The following BLTP3A variants were observed in gnomAD, a reference collection of about 807,000 sequenced individuals.
BLTP3A encodes the protein ICBP90 binding protein 1.
chr6:34,867,786 C>T, the BLTP3A span, among the ~76,000 whole-genome samples: 1 of 152,104 alleles, frequency 6.6e-6, no homozygotes, highest in Non-Finnish European at 1.5e-5. Flanking sequence ...TTGCAAAGAG[C>T]CTCTCAGAGC....
At chr6:34,871,521 T>C in the BLTP3A span, 3 of 1,491,402 alleles carry the variant, frequency 2.0e-6, no homozygotes, top group Non-Finnish European at 2.8e-6. Flanking sequence ...GATGGGAGCA[T>C]GGGTTGTGTT....
At chr6:34,839,202 A>G in the BLTP3A span, among the ~76,000 whole-genome samples, 9 of 152,228 alleles carry the variant, frequency 5.9e-5, no homozygotes, top group East Asian at 1.7e-3. Context: ...GTGAGCCGAG[A>G]TGGCGCCATT....
the BLTP3A span, chr6:34,834,573 T>C: frequency 3.7e-6 from 5 of 1,340,788 alleles, no homozygotes; most frequent in East Asian, 4.7e-5. Flanking sequence ...TCCTCAATTA[T>C]GGATCCCCAA....
chr6:34,800,751 CTGTT>C, the BLTP3A span, among the ~76,000 whole-genome samples: 5 of 152,254 alleles, frequency 3.3e-5, no homozygotes, highest in Non-Finnish European at 2.9e-5. Flanking sequence ...TAGTTGGTAT[CTGTT>C]TGTCACAAAA....
chr6:34,793,023 TAA>T, the BLTP3A span, among the ~76,000 whole-genome samples: 5 of 152,336 alleles, frequency 3.3e-5, no homozygotes, highest in South Asian at 4.1e-4. Flanking sequence ...GAGTTGGGGA[TAA>T]AGTTTCCGCA....
chr6:34,827,816 A>T, the BLTP3A span, among the ~76,000 whole-genome samples: 3 of 151,880 alleles, frequency 2.0e-5, no homozygotes, highest in African/African-American at 7.3e-5. Context: ...ATTTTTAGTA[A>T]GGACGGGGTT....
At chr6:34,832,658 C>T in the BLTP3A span, among the ~76,000 whole-genome samples, 13,893 of 151,400 alleles carry the variant, frequency 0.092, 835 homozygotes, top group Non-Finnish European at 0.12. Context: ...CCTTTGTTGC[C>T]CAGGCTGGTC....
chr6:34,821,704 G>C, the BLTP3A span: 2 of 1,614,152 alleles, frequency 1.2e-6, no homozygotes. Flanking sequence ...CCCTGAAAGG[G>C]GAGGGTCAGC....
chr6:34,854,921 T>G, the BLTP3A span, among the ~76,000 whole-genome samples: 1 of 152,260 alleles, frequency 6.6e-6, no homozygotes, highest in African/African-American at 2.4e-5. Context: ...GGAAATACTT[T>G]CTACTTTTAC....
chr6:34,856,216 C>A, the BLTP3A span: 1 of 1,603,102 alleles, frequency 6.2e-7, no homozygotes, highest in African/African-American at 1.3e-5. Context: ...GGGCTAAAAT[C>A]TTTTCACTTC....
chr6:34,794,012 T>C, the BLTP3A span, among the ~76,000 whole-genome samples: 13 of 151,988 alleles, frequency 8.6e-5, no homozygotes, highest in African/African-American at 2.9e-4. Flanking sequence ...ATACAGAAAT[T>C]AGCCTGGCAT....
the BLTP3A span, among the ~76,000 whole-genome samples, chr6:34,800,830 C>T: frequency 6.6e-6 from 1 of 151,768 alleles, no homozygotes; most frequent in Non-Finnish European, 1.5e-5. Flanking sequence ...CAGGTGCAAG[C>T]GATTTTCATG....
chr6:34,852,436 G>A, the BLTP3A span, among the ~76,000 whole-genome samples: 39 of 152,244 alleles, frequency 2.6e-4, no homozygotes, highest in East Asian at 7.0e-3. Flanking sequence ...GCGGGAGCTA[G>A]AGGCCTACAA....
the BLTP3A span, chr6:34,867,219 A>T: frequency 6.3e-7 from 1 of 1,599,636 alleles, no homozygotes; most frequent in Non-Finnish European, 8.5e-7. Context: ...CCTCTTTTTC[A>T]TGCAGAGTCT....
At chr6:34,816,559 G>A in the BLTP3A span, among the ~76,000 whole-genome samples, 14 of 152,314 alleles carry the variant, frequency 9.2e-5, no homozygotes, top group African/African-American at 3.1e-4. Flanking sequence ...GCTGCAGTGA[G>A]CCGTGATCAC....
chr6:34,795,722 A>T, the BLTP3A span, among the ~76,000 whole-genome samples: 18 of 152,274 alleles, frequency 1.2e-4, no homozygotes, highest in Admixed American at 4.6e-4. Context: ...TTTTTAAAGA[A>T]AAATTTTAGC....
chr6:34,843,383 A>G, the BLTP3A span, among the ~76,000 whole-genome samples: 3 of 152,148 alleles, frequency 2.0e-5, no homozygotes, highest in Non-Finnish European at 2.9e-5. Flanking sequence ...TCAATTCATC[A>G]TTAAGTTAAT....
At chr6:34,811,677 C>G in the BLTP3A span, among the ~76,000 whole-genome samples, 56 of 110,726 alleles carry the variant, frequency 5.1e-4, no homozygotes, top group Non-Finnish European at 8.4e-4. Context: ...TGGTGAGACC[C>G]CCCCCCCCGC....
chr6:34,859,239 C>T, the BLTP3A span: 4 of 1,614,076 alleles, frequency 2.5e-6, no homozygotes, highest in Admixed American at 3.3e-5. Context: ...GTCCACTTGC[C>T]CAGCAGCTGG....
Sources: allele counts gnomAD v4.1 joint callset (sites outside exome capture counted in the v4.1 genomes callset), GRCh38; gene constraint gnomAD v4.1.1; transcripts MANE v1.5; gene names NCBI Gene and HGNC (gene_info 2026-07-23, HGNC 2026-07-21).